ANO2: variants seen among roughly 807,000 people sequenced by gnomAD.
ANO2 encodes the protein anoctamin 2.
A neutral mutation model predicts 124.2 loss-of-function variants in ANO2; 101 were observed. The observed-to-expected ratio is 0.81, with a 90% CI of 0.69 to 0.96. The LOEUF is 0.96. Among genes scored for constraint, ANO2 ranks in the 40% least tolerant of loss-of-function variants. The pLI, the probability that ANO2 is intolerant of heterozygous loss-of-function variation, is 0.00. For missense variants in ANO2, 1,293 were observed against 1,274.5 expected (o/e 1.01, Z -0.22); for synonymous variants, 486 against 482.5 (o/e 1.01, Z -0.09).
At chr12:5,687,052 G>A (rs1263020978) in intron 14 of ANO2, among the ~76,000 whole-genome samples, 1 of 152,230 alleles carries the variant, frequency 6.6e-6, no homozygotes, top group Non-Finnish European at 1.5e-5. Flanking sequence ...AAGAGAAAGA[G>A]GGATGCCATC....
intron 15 of ANO2, among the ~76,000 whole-genome samples, chr12:5,640,780 C>T (rs562367787): frequency 8.3e-4 from 127 of 152,232 alleles, no homozygotes; most frequent in East Asian, 2.7e-3. Context: ...TTGGTGGGAG[C>T]GTGAACTAGT....
intron 1 of ANO2, among the ~76,000 whole-genome samples, chr12:5,935,078 T>A (rs1942590233): frequency 6.6e-6 from 1 of 152,160 alleles, no homozygotes; most frequent in Admixed American, 6.5e-5. Flanking sequence ...CCCAAATATA[T>A]TTATTTATAG....
chr12:5,566,849 T>A (rs1056124091), intron 23 of ANO2, among the ~76,000 whole-genome samples: 1 of 152,164 alleles, frequency 6.6e-6, no homozygotes, highest in Non-Finnish European at 1.5e-5. Flanking sequence ...TTCTTCCCAT[T>A]ATCACAGGGC....
intron 3 of ANO2, among the ~76,000 whole-genome samples, chr12:5,878,220 T>C (rs1938239196): frequency 6.6e-6 from 1 of 152,228 alleles, no homozygotes; most frequent in Admixed American, 6.5e-5. Flanking sequence ...TGATGTATTT[T>C]ATCTCCAATT....
chr12:5,623,121 C>G (rs1292510409), intron 16 of ANO2, among the ~76,000 whole-genome samples: 1 of 152,096 alleles, frequency 6.6e-6, no homozygotes, highest in East Asian at 1.9e-4. Flanking sequence ...CCTCATAAGA[C>G]AGACTTCTGG....
chr12:5,921,361 G>T lies in ANO2; in HGVS notation c.213C>A (p.Ile71=). 6.2e-7 allele frequency: 1 copy of T among 1,613,354 alleles called. No individual in the cohort carries two copies. Among genetic ancestry groups the T allele is most frequent in the South Asian group, 1.1e-5 (1 of 91,044 alleles). ...GCTCATTGGCATCCAGATAGTTGTT[G>T]ATGACCTGGCCAGAGAGAGAGGAGA... ...GGESTRSSSV[I]NNYLDANEPV... is the part of the protein sequence containing the mutation. Residue 71 remains isoleucine, a synonymous_variant, in exon 3 of 25, where the codon ATC becomes ATA. Coordinates refer to ENST00000682330, the MANE Select transcript of ANO2 (RefSeq NM_001364791.2).
chr12:5,596,038 T>C (rs1048218406), intron 20 of ANO2, among the ~76,000 whole-genome samples: 1 of 152,230 alleles, frequency 6.6e-6, no homozygotes, highest in Non-Finnish European at 1.5e-5. Flanking sequence ...AGAATGACCA[T>C]ACCTAATCAC....
chr12:5,886,676 CA>C (rs1162271453), intron 3 of ANO2, among the ~76,000 whole-genome samples: 1 of 152,118 alleles, frequency 6.6e-6, no homozygotes, highest in Non-Finnish European at 1.5e-5. Context: ...GTGATGGTAT[CA>C]AGGGTGTTTG....
intron 3 of ANO2, among the ~76,000 whole-genome samples, chr12:5,920,036 A>AATGGATGGATGGATGG (rs558209463): frequency 2.7e-5 from 4 of 145,516 alleles, no homozygotes; most frequent in Admixed American, 1.4e-4. Flanking sequence ...GGTGTGGATA[A>AATGGATGGATGGATGG]ATGGATGGAT....
intron 3 of ANO2, chr12:5,870,539 C>G (rs536683162): frequency 1.4e-4 from 21 of 152,392 alleles, no homozygotes; most frequent in African/African-American, 5.0e-4. Flanking sequence ...GCATGAAGAA[C>G]TAGCCTTAAT....
At chr12:5,569,866 G>A (rs1941996759) in intron 23 of ANO2, among the ~76,000 whole-genome samples, 2 of 152,126 alleles carry the variant, frequency 1.3e-5, no homozygotes. Flanking sequence ...GAACAGCTGG[G>A]GTGGGGGCTG....
chr12:5,575,435 G>T (rs1001014496), intron 23 of ANO2, among the ~76,000 whole-genome samples: 3 of 152,162 alleles, frequency 2.0e-5, no homozygotes, highest in African/African-American at 7.2e-5. Flanking sequence ...GTTGCTTAAC[G>T]ATGGGGATAT....
intron 16 of ANO2, among the ~76,000 whole-genome samples, chr12:5,626,467 G>A (rs946616444): frequency 5.9e-5 from 9 of 152,256 alleles, no homozygotes; most frequent in East Asian, 1.9e-4. Context: ...CACCTCAGCC[G>A]CAGTCCAGCC....
intron 19 of ANO2, among the ~76,000 whole-genome samples, chr12:5,603,908 G>A (rs1391585758): frequency 2.2e-5 from 3 of 133,554 alleles, no homozygotes; most frequent in African/African-American, 8.7e-5. Context: ...TAGCGCCACT[G>A]CAGTCCGTCC....
intron 7 of ANO2, among the ~76,000 whole-genome samples, chr12:5,821,310 C>A (rs1333767871): frequency 6.6e-6 from 1 of 152,184 alleles, no homozygotes; most frequent in Non-Finnish European, 1.5e-5. Flanking sequence ...GCATTTAGCC[C>A]CTTTTACAAC....
intron 14 of ANO2, among the ~76,000 whole-genome samples, chr12:5,706,604 C>T (rs1166112006): frequency 1.3e-5 from 2 of 152,158 alleles, no homozygotes; most frequent in Non-Finnish European, 2.9e-5. Context: ...CCTTACTTTG[C>T]TTCATCTTTC....
intron 14 of ANO2, among the ~76,000 whole-genome samples, chr12:5,686,556 C>T (rs1461610660): frequency 6.6e-6 from 1 of 152,164 alleles, no homozygotes; most frequent in African/African-American, 2.4e-5. Context: ...TATTTAAGGA[C>T]CACAGAAGCA....
At chr12:5,793,313 G>C (rs1269481096) in intron 10 of ANO2, among the ~76,000 whole-genome samples, 2 of 152,022 alleles carry the variant, frequency 1.3e-5, no homozygotes, top group Non-Finnish European at 2.9e-5. Flanking sequence ...CAGAGGCTGG[G>C]CATTTGCTAG....
At chr12:5,860,733 T>C (rs1955242383) in intron 3 of ANO2, among the ~76,000 whole-genome samples, 1 of 152,212 alleles carries the variant, frequency 6.6e-6, no homozygotes, top group African/African-American at 2.4e-5. Flanking sequence ...GGAGGGCCTC[T>C]CCATCCTGTT....
Sources: gnomAD v4.1 joint callset for allele counts (sites outside exome capture counted in the v4.1 genomes callset) on GRCh38, gnomAD v4.1.1 for gene constraint, MANE v1.5 for transcripts, NCBI Gene and HGNC (gene_info 2026-07-23, HGNC 2026-07-21) for gene names.